TTC21B: variants seen among roughly 807,000 people sequenced by gnomAD.
TTC21B encodes tetratricopeptide repeat protein 21B.
In TTC21B, 127 loss-of-function variants were observed where a neutral mutation model predicts 175.1. That is an observed-to-expected ratio of 0.73 (90% CI 0.63 to 0.84). The LOEUF (loss-of-function observed/expected upper bound fraction) is 0.84, where lower values mean the gene tolerates loss of function less well. TTC21B is among the 40% of genes least tolerant of loss of function. TTC21B has a pLI of 0.00. For missense variants in TTC21B, 1,561 were observed against 1,558.3 expected (o/e 1.00, Z -0.03); for synonymous variants, 524 against 524.5 (o/e 1.00, Z 0.01).
Position 165,931,780 on chromosome 2 carries a change from A to T in TTC21B, c.872T>A (p.Ile291Asn). ...CACAGTTCTGCTGAAGGCGAGTGTAATGTTATAGAAAAGTTGAGCATTCTG... is the reference window on the plus strand; with the variant it reads ...CACAGTTCTGCTGAAGGCGAGTGTATTGTTATAGAAAAGTTGAGCATTCTG... ...EPQNAQLFYN[I>N]TLAFSRTCGR... Residue 291 changes from isoleucine to asparagine, a missense_variant, in exon 8 of 29, where the codon ATT (isoleucine) becomes AAT (asparagine). Ile to Asn is a moderately radical substitution (Grantham distance 149). Coordinates refer to ENST00000243344, the MANE Select transcript of TTC21B (RefSeq NM_024753.5). 6.2e-7 allele frequency: 1 copy of T among 1,613,456 alleles called. No homozygotes were observed.
intron 15 of TTC21B, among the ~76,000 whole-genome samples, chr2:165,914,698 T>TGTGTGTGTGTGTGTGTGG (rs71031214): frequency 1.5e-5 from 2 of 132,374 alleles, no homozygotes; most frequent in Non-Finnish European, 3.2e-5. Context: ...TGTGTGTGTG[T>TGTGTGTGTGTGTGTGTGG]TGTGTATCCC....
intron 14 of TTC21B, among the ~76,000 whole-genome samples, chr2:165,915,983 G>C (rs112598529): frequency 3.9e-5 from 6 of 152,300 alleles, no homozygotes; most frequent in African/African-American, 1.2e-4. Flanking sequence ...CTTGTTAAAT[G>C]TACTTTAAGT....
chr2:165,899,701 T>C, intron 21 of TTC21B, 69 bp downstream of exon 21: 1 of 1,002,448 alleles, frequency 1.0e-6, no homozygotes, highest in East Asian at 2.4e-5. Flanking sequence ...TAGTAGTAGT[T>C]CCATGGGGTA....
chr2:165,876,242 C>T lies in TTC21B; in HGVS notation c.3806-10G>A. Reference sequence around the variant, plus strand: ...AATGCCAGTTTGTATCCTGTTAAGACAAAAACCATAAAACAGAATGATGGA... The same window carrying T: ...AATGCCAGTTTGTATCCTGTTAAGATAAAAACCATAAAACAGAATGATGGA... On this transcript the variant is annotated splice_polypyrimidine_tract_variant and intron_variant, in intron 27 of 28. Coordinates refer to ENST00000243344, the MANE Select transcript of TTC21B (RefSeq NM_024753.5). The T allele has an allele frequency of 6.5e-7, 1 of 1,543,472 alleles. No individual in the cohort carries two copies.
chr2:165,874,867 A>C, intron 28 of TTC21B, 35 bp from the exon 29 acceptor site: 1 of 1,588,386 alleles, frequency 6.3e-7, no homozygotes, highest in Non-Finnish European at 8.6e-7. Flanking sequence ...AAAAACTTGT[A>C]ACTAATAATC....
intron 15 of TTC21B, among the ~76,000 whole-genome samples, chr2:165,914,657 C>CTG (rs551411661): frequency 0.17 from 19,918 of 117,940 alleles, 1,763 homozygotes; most frequent in Middle Eastern, 0.23. Flanking sequence ...GAAGAGCAAT[C>CTG]TGTGTGTGTG....
At chr2:165,898,947 G>GT (rs1685462214) in intron 21 of TTC21B, among the ~76,000 whole-genome samples, 180 bp from the exon 22 acceptor site, 1 of 152,174 alleles carries the variant, frequency 6.6e-6, no homozygotes. Context: ...GCAGATCAGT[G>GT]TAACAGAAGA....
rs78702415 is a variant in TTC21B at position 165,912,930 on chromosome 2, T to C, written c.2212-306A>G. Among the ~76,000 whole-genome samples, 828 of 152,344 alleles carry C rather than the reference T, an allele frequency of 5.4e-3. 5 individuals are homozygous for C. Among genetic ancestry groups the C allele is most frequent in the East Asian group, 0.013 (69 of 5,186 alleles). On this transcript the variant is annotated intron_variant, in intron 16 of 28. Coordinates refer to ENST00000243344, the MANE Select transcript of TTC21B (RefSeq NM_024753.5). ...CCAGAAGTCATTAAACTGCCAGTTA[T>C]AGAGGGCTGAAGGATTGGTTCCCTT...
At chr2:165,895,994 A>T (rs1018860246) in intron 22 of TTC21B, among the ~76,000 whole-genome samples, 13 of 152,206 alleles carry the variant, frequency 8.5e-5, no homozygotes, top group Non-Finnish European at 1.9e-4. Flanking sequence ...TTATTTTTAA[A>T]TACAAACTGA....
chr2:165,942,469 C>G (rs759683806), intron 5 of TTC21B, among the ~76,000 whole-genome samples: 1 of 152,166 alleles, frequency 6.6e-6, no homozygotes, highest in Non-Finnish European at 1.5e-5. Context: ...TTTGTATTGG[C>G]TGCCTGTCTC....
At chr2:165,935,066 A>C (rs1468676546) in intron 6 of TTC21B, among the ~76,000 whole-genome samples, 2 of 152,176 alleles carry the variant, frequency 1.3e-5, no homozygotes, top group African/African-American at 4.8e-5. Context: ...ACTTCTCTAC[A>C]TTATCTTTCC....
intron 7 of TTC21B, among the ~76,000 whole-genome samples, chr2:165,932,161 T>C (rs1193142667): frequency 6.6e-6 from 1 of 152,140 alleles, no homozygotes; most frequent in African/African-American, 2.4e-5. Context: ...CCGCCTTCAA[T>C]AGTTAATTCA....
At chr2:165,913,307 T>A (rs1344282284) in intron 16 of TTC21B, among the ~76,000 whole-genome samples, 2 of 152,150 alleles carry the variant, frequency 1.3e-5, no homozygotes, top group African/African-American at 4.8e-5. Flanking sequence ...ATTACAGGCA[T>A]GAACCACCGT....
In TTC21B at chr2:165,946,035, C is replaced by T. The variant is rs190341624; in HGVS notation, c.263-345G>A. ...ATAACAGCACATCACAATTAAGATGCTAAATTTTGGCTGGGCGCAGTGGCT... is the reference window on the plus strand; with the variant it reads ...ATAACAGCACATCACAATTAAGATGTTAAATTTTGGCTGGGCGCAGTGGCT... On this transcript the variant is annotated intron_variant, in intron 3 of 28. Coordinates refer to ENST00000243344, the MANE Select transcript of TTC21B (RefSeq NM_024753.5). 1.1e-3 allele frequency among the ~76,000 whole-genome samples: 173 copies of T among 152,174 alleles called. 1 individual carries two copies. The highest frequency in any genetic ancestry group is 4.0e-3 in the African/African-American group (165 of 41,506).
chr2:165,896,047 G>C (rs1685350986), intron 22 of TTC21B, among the ~76,000 whole-genome samples: 1 of 152,016 alleles, frequency 6.6e-6, no homozygotes, highest in South Asian at 2.1e-4. Context: ...AGCGTTACTA[G>C]AGGTAGCCTG....
intron 1 of TTC21B, among the ~76,000 whole-genome samples, chr2:165,951,383 TATC>T (rs1687757123): frequency 6.6e-6 from 1 of 152,180 alleles, no homozygotes; most frequent in Non-Finnish European, 1.5e-5. Flanking sequence ...TTAATTAAGA[TATC>T]ATAGTATAAG....
intron 19 of TTC21B, among the ~76,000 whole-genome samples, chr2:165,905,205 G>A (rs942071522): frequency 6.6e-6 from 1 of 151,906 alleles, no homozygotes; most frequent in Admixed American, 6.6e-5. Flanking sequence ...AGCTAACACC[G>A]AAAAATAATA....
chr2:165,894,041 A>G (rs1244768957), intron 22 of TTC21B, among the ~76,000 whole-genome samples: 1 of 152,194 alleles, frequency 6.6e-6, no homozygotes, highest in Non-Finnish European at 1.5e-5. Context: ...TAGTCCTATG[A>G]TGACCTGGAG....
intron 6 of TTC21B, among the ~76,000 whole-genome samples, chr2:165,938,295 G>A (rs140039722): frequency 9.1e-4 from 138 of 152,040 alleles, no homozygotes; most frequent in African/African-American, 3.0e-3. Context: ...AACTAACCAG[G>A]AGAAGAGAAG....
Sources: gnomAD v4.1 joint callset for allele counts (sites outside exome capture counted in the v4.1 genomes callset) on GRCh38, gnomAD v4.1.1 for gene constraint, MANE v1.5 for transcripts, NCBI Gene and HGNC (gene_info 2026-07-23, HGNC 2026-07-21) for gene names.